Variants in SDK1 observed in about 807,000 individuals in gnomAD.
The protein encoded by SDK1 is sidekick cell adhesion molecule 1.
SDK1 carries 157 observed loss-of-function variants against 245.5 expected under a neutral mutation model. That is an observed-to-expected ratio of 0.64 (90% CI 0.56 to 0.73). The LOEUF (loss-of-function observed/expected upper bound fraction) is 0.73, where lower values mean the gene tolerates loss of function less well. Among genes scored for constraint, SDK1 ranks in the 30% least tolerant of loss-of-function variants. SDK1 has a pLI of 0.00. For missense variants in SDK1, 3,583 were observed against 3,002.3 expected, an observed-to-expected ratio of 1.19 and a Z score of -4.52; for synonymous variants, 1,647 against 1,278.5, an observed-to-expected ratio of 1.29 and a Z score of -6.15.
At chr7:4,264,493 G>T (rs1487460315) in intron 44 of SDK1, among the ~76,000 whole-genome samples, 38 of 135,748 alleles carry the variant, frequency 2.8e-4, no homozygotes, top group Admixed American at 3.0e-4. Context: ...CCTCTCCTGA[G>T]TGAGGGAGGC....
chr7:4,041,948 G>T (rs1205343990), intron 17 of SDK1, among the ~76,000 whole-genome samples: 5 of 134,790 alleles, frequency 3.7e-5, no homozygotes, highest in African/African-American at 3.5e-5. Flanking sequence ...TGAGTAGCTG[G>T]GACTACAGGC....
intron 14 of SDK1, among the ~76,000 whole-genome samples, chr7:4,008,418 C>G (rs538211476): frequency 2.6e-4 from 40 of 152,360 alleles, no homozygotes; most frequent in African/African-American, 7.5e-4. Flanking sequence ...GTCGCCATGA[C>G]AGCACACCTG....
At chr7:3,379,385 G>A (rs1476705838) in intron 1 of SDK1, among the ~76,000 whole-genome samples, 1 of 152,110 alleles carries the variant, frequency 6.6e-6, no homozygotes, top group African/African-American at 2.4e-5. Flanking sequence ...GGTTGCCATG[G>A]AAGTCCACCT....
chr7:3,818,656 C>T (rs924369268), intron 4 of SDK1, among the ~76,000 whole-genome samples: 14 of 152,188 alleles, frequency 9.2e-5, no homozygotes, highest in Admixed American at 2.6e-4. Flanking sequence ...TAACTTATCA[C>T]GGTTCAACAG....
chr7:4,027,868 G>C lies in SDK1; in HGVS notation c.2602+10516G>C, dbSNP rs1297942766. On this transcript the variant is annotated intron_variant, in intron 17 of 44. Coordinates refer to ENST00000404826, the MANE Select transcript of SDK1 (RefSeq NM_152744.4). ...GGTCCTGGTAGAGGAGAGGAGAAGG[G>C]GGAGAAGGGGCTTGTGGGAACGAGA... 1.3e-5 allele frequency among the ~76,000 whole-genome samples: 2 copies of C among 152,036 alleles called. 1 individual carries two copies. Among genetic ancestry groups the C allele is most frequent in the Non-Finnish European group, 2.9e-5 (2 of 68,012 alleles).
intron 1 of SDK1, among the ~76,000 whole-genome samples, chr7:3,404,387 A>G (rs1778997573): frequency 6.6e-6 from 1 of 152,018 alleles, no homozygotes; most frequent in Non-Finnish European, 1.5e-5. Context: ...GTAATAATTT[A>G]CCTCTTTTTT....
intron 1 of SDK1, among the ~76,000 whole-genome samples, chr7:3,546,468 A>G (rs1431269133): frequency 6.6e-6 from 1 of 152,238 alleles, no homozygotes; most frequent in Admixed American, 6.5e-5. Flanking sequence ...TTCTTACAAT[A>G]TCCTACAGAT....
intron 1 of SDK1, among the ~76,000 whole-genome samples, chr7:3,507,426 TACCTAC>T (rs1782428526): frequency 6.6e-6 from 1 of 152,216 alleles, no homozygotes; most frequent in Non-Finnish European, 1.5e-5. Context: ...GGGTAGCCAG[TACCTAC>T]AGCATGGTGC....
chr7:3,388,787 C>A (rs925219928), intron 1 of SDK1, among the ~76,000 whole-genome samples: 11 of 152,082 alleles, frequency 7.2e-5, no homozygotes, highest in Non-Finnish European at 1.0e-4. Flanking sequence ...ATTTCTGTCA[C>A]ACTAAGTCAA....
chr7:3,645,159 C>G (rs1278247683), intron 4 of SDK1, among the ~76,000 whole-genome samples: 1 of 152,142 alleles, frequency 6.6e-6, no homozygotes, highest in African/African-American at 2.4e-5. Context: ...ATTTTTTAAA[C>G]TTGCAAATAC....
At chr7:4,180,000 G>A (rs1323835422) in intron 35 of SDK1, among the ~76,000 whole-genome samples, 2 of 152,024 alleles carry the variant, frequency 1.3e-5, no homozygotes, top group Non-Finnish European at 2.9e-5. Flanking sequence ...CCAGGAACCA[G>A]GGGGCTCAGG....
chr7:4,264,319 T>TGAGGGAGGCC (rs1262324615), intron 44 of SDK1, among the ~76,000 whole-genome samples: 2 of 126,286 alleles, frequency 1.6e-5, no homozygotes, highest in African/African-American at 6.0e-5. Context: ...CTCTCCTGAG[T>TGAGGGAGGCC]GAGGGAGGCC....
chr7:3,401,202 G>A (rs1778878695), intron 1 of SDK1, among the ~76,000 whole-genome samples: 1 of 152,156 alleles, frequency 6.6e-6, no homozygotes, highest in Admixed American at 6.5e-5. Flanking sequence ...ACTTACACGA[G>A]CATTCAAGAG....
At chr7:3,904,007 A>G (rs1329250057) in intron 5 of SDK1, among the ~76,000 whole-genome samples, 1 of 152,084 alleles carries the variant, frequency 6.6e-6, no homozygotes, top group African/African-American at 2.4e-5. Context: ...GGCCCTCACC[A>G]CATGCAGACG....
chr7:3,666,771 A>C (rs1312661559), intron 4 of SDK1, among the ~76,000 whole-genome samples: 2 of 152,188 alleles, frequency 1.3e-5, no homozygotes, highest in African/African-American at 4.8e-5. Flanking sequence ...ATCAAAGGAG[A>C]GACATCCTTT....
In SDK1 at chr7:4,175,795, G is replaced by C. The variant is rs1258637298; in HGVS notation, c.4957G>C (p.Val1653Leu). The C allele has an allele frequency of 1.2e-6, 2 of 1,613,930 alleles. No homozygotes were observed. Among genetic ancestry groups the C allele is most frequent in the Non-Finnish European group, 1.7e-6 (2 of 1,180,002 alleles). Residue 1653 changes from valine (V) to leucine (L), a missense_variant, in exon 34 of 45, where the codon GTG becomes CTG. Val to Leu is a conservative substitution (Grantham distance 32). Coordinates refer to ENST00000404826, the MANE Select transcript of SDK1 (RefSeq NM_152744.4). Reference protein sequence around the residue: ...ELTAQSSFKTVNSSSTSTMCE... With the variant: ...ELTAQSSFKTLNSSSTSTMCE... Reference sequence around the variant, plus strand: ...AATAGCCCAAAGCAGCTTCAAGACGGTGAACAGCAGCTCCACATCGACGAT... The same window carrying C: ...AATAGCCCAAAGCAGCTTCAAGACGCTGAACAGCAGCTCCACATCGACGAT...
chr7:3,648,688 A>G (rs1782920772), intron 4 of SDK1, among the ~76,000 whole-genome samples: 1 of 152,216 alleles, frequency 6.6e-6, no homozygotes, highest in African/African-American at 2.4e-5. Flanking sequence ...TAATGTTTTT[A>G]TAGTTAACTA....
chr7:3,360,783 A>C (rs1024149739), intron 1 of SDK1, among the ~76,000 whole-genome samples: 2 of 152,134 alleles, frequency 1.3e-5, no homozygotes, highest in Non-Finnish European at 2.9e-5. Flanking sequence ...CCCTCCCCAC[A>C]GAGGCAGAGA....
At chr7:3,896,623 C>T (rs1781613467) in intron 5 of SDK1, among the ~76,000 whole-genome samples, 1 of 152,178 alleles carries the variant, frequency 6.6e-6, no homozygotes, top group South Asian at 2.1e-4. Context: ...TCTTTCAAGG[C>T]AGCGAGCTGG....
Sources: gnomAD v4.1 joint callset for allele counts (sites outside exome capture counted in the v4.1 genomes callset) on GRCh38, gnomAD v4.1.1 for gene constraint, MANE v1.5 for transcripts, NCBI Gene and HGNC (gene_info 2026-07-23, HGNC 2026-07-21) for gene names.